Variants in ZNF362 observed in about 807,000 individuals in gnomAD.
ZNF362 encodes the protein zinc finger protein 362, also known as rotund homolog.
Under a neutral mutation model 42.9 loss-of-function variants are expected in ZNF362, and 11 were observed. That is an observed-to-expected ratio of 0.26 (90% CI 0.16 to 0.42). ZNF362 has a LOEUF of 0.42. Among genes scored for constraint, ZNF362 ranks in the 20% least tolerant of loss-of-function variants. The pLI is 1.00. For synonymous variants in ZNF362, 255 were observed against 257.3 expected (o/e 0.99, Z 0.09); for missense variants, 362 against 576.2 (o/e 0.63, Z 3.81).
intron 2 of ZNF362, among the ~76,000 whole-genome samples, chr1:33,271,859 C>T (rs1645906846): frequency 6.6e-6 from 1 of 152,102 alleles, no homozygotes; most frequent in African/African-American, 2.4e-5. Context: ...CTGGGGGTGA[C>T]CAGACCAGGT....
the ZNF362 span, among the ~76,000 whole-genome samples, chr1:33,189,483 A>G: frequency 1.3e-5 from 2 of 151,514 alleles, no homozygotes; most frequent in African/African-American, 2.4e-5. Flanking sequence ...AACTCTGGCT[A>G]TATAATCAGT....
intron 1 of ZNF362, among the ~76,000 whole-genome samples, chr1:33,264,482 C>T (rs955045588): frequency 5.9e-5 from 9 of 152,182 alleles, no homozygotes; most frequent in Non-Finnish European, 1.2e-4. Context: ...CTAACTTAGT[C>T]CTCAGTACAA....
intron 2 of ZNF362, 56 bp from the exon 3 acceptor site, chr1:33,276,044 C>T: frequency 7.5e-6 from 12 of 1,600,284 alleles, no homozygotes; most frequent in East Asian, 4.5e-5. Context: ...GAGGGGTGCT[C>T]GCCCCAGGCC....
the ZNF362 span, among the ~76,000 whole-genome samples, chr1:33,192,776 A>G: frequency 6.6e-6 from 1 of 152,150 alleles, no homozygotes. Context: ...CTGCACCTAC[A>G]TCTGAGTCCT....
chr1:33,268,092 A>G (rs886295681), intron 1 of ZNF362, among the ~76,000 whole-genome samples: 2 of 152,238 alleles, frequency 1.3e-5, no homozygotes, highest in Non-Finnish European at 2.9e-5. Flanking sequence ...ATGGAAGCAG[A>G]ACCATTTTCT....
chr1:33,204,182 T>C, the ZNF362 span, among the ~76,000 whole-genome samples: 5 of 152,276 alleles, frequency 3.3e-5, 1 homozygote, highest in South Asian at 1.0e-3. Context: ...TCCACATTTT[T>C]TGGCATGTGG....
chr1:33,223,146 G>C, the ZNF362 span, among the ~76,000 whole-genome samples: 1 of 152,100 alleles, frequency 6.6e-6, no homozygotes, highest in Non-Finnish European at 1.5e-5. Flanking sequence ...AGCTACTCAG[G>C]AGGCTGAGGC....
the ZNF362 span, among the ~76,000 whole-genome samples, chr1:33,217,750 G>T: frequency 3.3e-5 from 5 of 151,456 alleles, no homozygotes; most frequent in African/African-American, 4.9e-5. Flanking sequence ...TAAGATTTTG[G>T]TAACAGTCTT....
the ZNF362 span, among the ~76,000 whole-genome samples, chr1:33,206,801 G>A: frequency 6.6e-6 from 1 of 152,072 alleles, no homozygotes; most frequent in Non-Finnish European, 1.5e-5. Flanking sequence ...AATAATATAT[G>A]CAGATGGAAA....
upstream of ZNF362, among the ~76,000 whole-genome samples, chr1:33,254,006 T>C (rs1645772872): frequency 6.6e-6 from 1 of 152,222 alleles, no homozygotes; most frequent in African/African-American, 2.4e-5. Context: ...ATGTTACTAT[T>C]TGTTACGATT....
At chr1:33,128,034 A>G in the ZNF362 span, among the ~76,000 whole-genome samples, 2 of 152,072 alleles carry the variant, frequency 1.3e-5, no homozygotes, top group African/African-American at 2.4e-5. Context: ...GGATAATAGT[A>G]TCTACCTTAT....
chr1:33,203,572 C>T, the ZNF362 span, among the ~76,000 whole-genome samples: 1 of 152,056 alleles, frequency 6.6e-6, no homozygotes, highest in Non-Finnish European at 1.5e-5. Context: ...ATGGCTGTAC[C>T]GATCTACATT....
the ZNF362 span, among the ~76,000 whole-genome samples, chr1:33,186,924 G>A: frequency 1.5e-4 from 23 of 150,314 alleles, no homozygotes; most frequent in Non-Finnish European, 2.1e-4. Context: ...CTTAAGATAA[G>A]GACTAAAGTG....
rs1309557848 is a variant in ZNF362, at chr1:33,276,124, C to A, written c.63C>A (p.Asn21Lys). Reference protein sequence around the residue: ...HSRMAEPRFNNPYFWPPPPTM... With the variant: ...HSRMAEPRFNKPYFWPPPPTM... ...GGATGGCCGAGCCTCGATTTAACAACCCCTACTTCTGGCCCCCTCCTCCCA... is the reference window on the plus strand; with the variant it reads ...GGATGGCCGAGCCTCGATTTAACAAACCCTACTTCTGGCCCCCTCCTCCCA... The change falls in exon 3 of 9, where the codon AAC (asparagine) becomes AAA (lysine). Residue 21 changes from asparagine to lysine, a missense_variant. Physicochemically the swap from Asn to Lys is moderately conservative, Grantham distance 94. Coordinates refer to ENST00000539719, the MANE Select transcript of ZNF362 (RefSeq NM_152493.3). 2 of 1,614,048 alleles carry A rather than the reference C, an allele frequency of 1.2e-6. No homozygotes were observed. Among genetic ancestry groups the A allele is most frequent in the Admixed American group, 1.7e-5 (1 of 60,022 alleles).
chr1:33,294,926 G>A lies in ZNF362; in HGVS notation c.909-11G>A. The A allele has an allele frequency of 6.2e-7, 1 of 1,614,074 alleles. No individual in the cohort carries two copies. On this transcript the variant is annotated splice_polypyrimidine_tract_variant and intron_variant, in intron 6 of 8. Transcript: ENST00000539719. The surrounding 1 kb of genome is among the most constrained non-coding windows in gnomAD (Gnocchi z 4.2). ...TCAGGGACTTCGACCTTACTGGGCT[G>A]CCCATTACAGAATCCACACAGGCGA...
intron 1 of ZNF362, chr1:33,261,795 G>C (rs1425584104): frequency 6.6e-6 from 1 of 152,240 alleles, no homozygotes; most frequent in Admixed American, 6.5e-5. Context: ...ACTGAAGTGG[G>C]AAGGGAGAGG....
intron 2 of ZNF362, chr1:33,275,328 G>C: frequency 1.0e-6 from 1 of 985,460 alleles, no homozygotes; most frequent in Non-Finnish European, 1.2e-6. Flanking sequence ...GAACTTGCCA[G>C]AGGTGAGGGC....
the ZNF362 span, among the ~76,000 whole-genome samples, chr1:33,189,634 C>CATAT: frequency 5.3e-3 from 294 of 55,168 alleles, 1 homozygote; most frequent in African/African-American, 0.01. Context: ...CACATTCCAG[C>CATAT]ATATATATAT....
At chr1:33,205,443 C>T in the ZNF362 span, among the ~76,000 whole-genome samples, 2 of 151,758 alleles carry the variant, frequency 1.3e-5, no homozygotes, top group Non-Finnish European at 2.9e-5. Context: ...TATGATTGCA[C>T]AACTGCACTT....
Sources: allele counts gnomAD v4.1 joint callset (sites outside exome capture counted in the v4.1 genomes callset), GRCh38; gene constraint gnomAD v4.1.1; non-coding constraint Gnocchi (gnomAD v3.1); transcripts MANE v1.5; gene names NCBI Gene and HGNC (gene_info 2026-07-23, HGNC 2026-07-21).